TGFBR3: variants seen among roughly 807,000 people sequenced by gnomAD.
TGFBR3 encodes the protein transforming growth factor beta receptor 3, also known as transforming growth factor beta receptor type 3.
A neutral mutation model predicts 87.9 loss-of-function variants in TGFBR3; 46 were observed. That is an observed-to-expected ratio of 0.52 (90% CI 0.41 to 0.67). The LOEUF is 0.67. Among genes scored for constraint, TGFBR3 ranks in the 30% least tolerant of loss-of-function variants. TGFBR3 has a pLI of 0.00. For synonymous variants in TGFBR3, 381 were observed against 391.6 expected (o/e 0.97, Z 0.32); for missense variants, 866 against 1,041.9 (o/e 0.83, Z 2.32).
chr1:91,890,409 CTTTTTTT>C (rs1175619952), upstream of TGFBR3, among the ~76,000 whole-genome samples: 2 of 60,364 alleles, frequency 3.3e-5, no homozygotes, highest in East Asian at 5.7e-4. Context: ...TCTCTATAAT[CTTTTTTT>C]TTTTTTTTTT....
intron 2 of TGFBR3, among the ~76,000 whole-genome samples, chr1:91,891,862 A>C (rs1404183339): frequency 6.6e-6 from 1 of 152,184 alleles, no homozygotes; most frequent in African/African-American, 2.4e-5. Flanking sequence ...ATCATAACCT[A>C]AGGCCATAAT....
intron 1 of TGFBR3, among the ~76,000 whole-genome samples, chr1:91,862,793 A>G (rs1161181269): frequency 1.3e-5 from 2 of 152,136 alleles, no homozygotes; most frequent in African/African-American, 4.8e-5. Flanking sequence ...ACCCTCCCTG[A>G]TCTAAGCCCT....
At chr1:91,787,116 C>A (rs1674998944) in intron 3 of TGFBR3, among the ~76,000 whole-genome samples, 1 of 152,074 alleles carries the variant, frequency 6.6e-6, no homozygotes, top group Admixed American at 6.5e-5. Context: ...TCCTGGCCAA[C>A]ATGGTGAAAC....
intron 3 of TGFBR3, among the ~76,000 whole-genome samples, chr1:91,794,086 G>A (rs1675287715): frequency 6.6e-6 from 1 of 152,080 alleles, no homozygotes; most frequent in African/African-American, 2.4e-5. Context: ...TAGTTTCATT[G>A]AGATACAATT....
At chr1:91,838,617 C>T (rs1286783546) in intron 2 of TGFBR3, among the ~76,000 whole-genome samples, 21 of 146,096 alleles carry the variant, frequency 1.4e-4, no homozygotes, top group Middle Eastern at 6.9e-3. Context: ...CGTCATCACA[C>T]CCGACTAATT....
chr1:91,726,281 T>A (rs1473763696), intron 7 of TGFBR3, among the ~76,000 whole-genome samples: 3 of 152,204 alleles, frequency 2.0e-5, no homozygotes, highest in Non-Finnish European at 4.4e-5. Flanking sequence ...AAATGTACCG[T>A]ATGTTTTTGC....
chr1:91,849,815 G>A (rs1677649847), intron 2 of TGFBR3, among the ~76,000 whole-genome samples: 1 of 152,174 alleles, frequency 6.6e-6, no homozygotes, highest in Admixed American at 6.5e-5. Flanking sequence ...CAGCGAGGTG[G>A]CTCACGCCTG....
At chr1:91,725,165 C>T (rs917738637) in intron 7 of TGFBR3, among the ~76,000 whole-genome samples, 4 of 152,182 alleles carry the variant, frequency 2.6e-5, no homozygotes, top group Admixed American at 2.0e-4. Flanking sequence ...TTCTTGCCCA[C>T]TGCCTGGCTC....
In TGFBR3 at chr1:91,773,934, T is replaced by C. The variant is rs2100940762; in HGVS notation, c.247-15184A>G. Among the ~76,000 whole-genome samples the C allele has an allele frequency of 1.3e-5, 2 of 152,290 alleles. 1 individual carries two copies. The highest frequency in any genetic ancestry group is 6.8e-3 in the Middle Eastern group (2 of 294). Reference sequence around the variant, plus strand: ...ATTAAATAATGTTTGTTTTAGAGAGTTTCTTTGCTTTCCTTAACTTTAATT... The same window carrying C: ...ATTAAATAATGTTTGTTTTAGAGAGCTTCTTTGCTTTCCTTAACTTTAATT... On this transcript the variant is annotated intron_variant, in intron 3 of 16. Transcript: ENST00000212355.
chr1:91,880,347 T>C (rs1286870350), intron 1 of TGFBR3, among the ~76,000 whole-genome samples: 1 of 152,172 alleles, frequency 6.6e-6, no homozygotes, highest in East Asian at 1.9e-4. Context: ...ACACCTGTAA[T>C]CCCAGCACGT....
chr1:91,827,278 C>T (rs903097423), intron 2 of TGFBR3, among the ~76,000 whole-genome samples: 6 of 152,074 alleles, frequency 3.9e-5, no homozygotes, highest in Admixed American at 6.6e-5. Context: ...CTGGCGGTTA[C>T]GACATGGAAT....
intron 4 of TGFBR3, among the ~76,000 whole-genome samples, chr1:91,757,971 A>G (rs1673808589): frequency 6.6e-6 from 1 of 152,198 alleles, no homozygotes; most frequent in Non-Finnish European, 1.5e-5. Context: ...TCATCATCAG[A>G]CATGATATCA....
rs537293627 is a variant in TGFBR3 at position 91,855,700 on chromosome 1, T to C, written c.61+5771A>G. Among the ~76,000 whole-genome samples, 21 of 152,304 alleles carry C rather than the reference T, an allele frequency of 1.4e-4. No individual in the cohort carries two copies. In the South Asian group the frequency reaches 4.1e-3, roughly 30 times the overall value. On this transcript the variant is annotated intron_variant, in intron 2 of 16. Coordinates refer to ENST00000212355, the MANE Select transcript of TGFBR3 (RefSeq NM_003243.5). ...CCTGGAAAGCAGATATTTTCAATAA[T>C]AGTAATGTTATAACACAAGTATAGA... is the stretch of plus-strand genomic sequence containing the variant.
chr1:91,853,150 C>A (rs1169703665), intron 2 of TGFBR3, among the ~76,000 whole-genome samples: 3 of 151,158 alleles, frequency 2.0e-5, no homozygotes, highest in African/African-American at 7.3e-5. Context: ...CAGAGTGAGA[C>A]CCTGTCTCAA....
At chr1:91,901,803 C>A (rs1679726405) in intron 1 of TGFBR3, among the ~76,000 whole-genome samples, 1 of 151,554 alleles carries the variant, frequency 6.6e-6, no homozygotes. Flanking sequence ...GTCCCAGCTA[C>A]TCCAGAGGCT....
rs1328829960 is a variant in TGFBR3, at chr1:91,793,579, C to T, written c.246+3708G>A. 2.6e-5 allele frequency among the ~76,000 whole-genome samples: 4 copies of T among 152,134 alleles called. No homozygotes were observed. The East Asian group carries it at 5.8e-4, about 22-fold the overall frequency. On this transcript the variant is annotated intron_variant, in intron 3 of 16. Transcript: ENST00000212355. Reference sequence around the variant, plus strand: ...CAGCACTCTGGGAGTCTGAGGCGGACGGATCACTTGAGGCCAGGAGTTTGA... The same window carrying T: ...CAGCACTCTGGGAGTCTGAGGCGGATGGATCACTTGAGGCCAGGAGTTTGA...
intron 2 of TGFBR3, among the ~76,000 whole-genome samples, chr1:91,851,905 A>G (rs574703190): frequency 6.6e-6 from 1 of 152,316 alleles, no homozygotes; most frequent in African/African-American, 2.4e-5. Flanking sequence ...CCTCCCCTCC[A>G]CTATATGCAC....
At chr1:91,784,756 T>C (rs1471677442) in intron 3 of TGFBR3, among the ~76,000 whole-genome samples, 1 of 152,174 alleles carries the variant, frequency 6.6e-6, no homozygotes, top group East Asian at 1.9e-4. Flanking sequence ...CAGGAATCTA[T>C]ACATCAAGGG....
chr1:91,687,435 G>A (rs931784627), intron 16 of TGFBR3, among the ~76,000 whole-genome samples: 6 of 152,206 alleles, frequency 3.9e-5, no homozygotes, highest in African/African-American at 1.4e-4. Flanking sequence ...GCCCAGATCT[G>A]ACTTCCTGCT....
Sources: allele counts gnomAD v4.1 joint callset (sites outside exome capture counted in the v4.1 genomes callset), GRCh38; gene constraint gnomAD v4.1.1; transcripts MANE v1.5; gene names NCBI Gene and HGNC (gene_info 2026-07-23, HGNC 2026-07-21).